Variants in MACROD2 observed in about 807,000 individuals in gnomAD.
The protein encoded by MACROD2 is ADP-ribose glycohydrolase MACROD2.
Under a neutral mutation model 70.4 loss-of-function variants are expected in MACROD2, and 36 were observed. The observed-to-expected ratio is 0.51, with a 90% CI of 0.39 to 0.68. The LOEUF (loss-of-function observed/expected upper bound fraction) is 0.68, where lower values mean the gene tolerates loss of function less well. MACROD2 is among the 30% of genes least tolerant of loss of function. The pLI, the probability that MACROD2 is intolerant of heterozygous loss-of-function variation, is 0.00. For synonymous variants in MACROD2, 172 were observed against 178.8 expected, an observed-to-expected ratio of 0.96 and a Z score of 0.30; for missense variants, 496 against 538.4, an observed-to-expected ratio of 0.92 and a Z score of 0.78.
chr20:14,350,157 C>G (rs1183494036), intron 3 of MACROD2, among the ~76,000 whole-genome samples: 2 of 152,070 alleles, frequency 1.3e-5, no homozygotes, highest in Non-Finnish European at 2.9e-5. Flanking sequence ...GCTTCCAAAT[C>G]TTGGTTGTTG....
intron 4 of MACROD2, among the ~76,000 whole-genome samples, chr20:14,589,771 C>A (rs550120191): frequency 6.6e-5 from 10 of 152,240 alleles, no homozygotes; most frequent in Non-Finnish European, 1.2e-4. Context: ...ATTTTAAATT[C>A]AGAGAGAAAA....
intron 3 of MACROD2, among the ~76,000 whole-genome samples, chr20:14,225,679 A>T (rs1378921807): frequency 6.6e-6 from 1 of 152,188 alleles, no homozygotes; most frequent in Non-Finnish European, 1.5e-5. Flanking sequence ...ATTATAACTG[A>T]CCAATCTATA....
At chr20:14,467,068 C>T (rs1206300098) in intron 3 of MACROD2, among the ~76,000 whole-genome samples, 2 of 152,284 alleles carry the variant, frequency 1.3e-5, no homozygotes, top group East Asian at 3.9e-4. Context: ...AGCTGTCAGA[C>T]AGGGACATTT....
At chr20:15,249,557 C>T (rs2077136325) in intron 6 of MACROD2, among the ~76,000 whole-genome samples, 1 of 152,180 alleles carries the variant, frequency 6.6e-6, no homozygotes, top group South Asian at 2.1e-4. Flanking sequence ...CTCCAAGGCA[C>T]CCAAGGCTCC....
At chr20:14,168,382 CT>C (rs1419102834) in intron 3 of MACROD2, among the ~76,000 whole-genome samples, 3 of 151,872 alleles carry the variant, frequency 2.0e-5, no homozygotes, top group Non-Finnish European at 4.4e-5. Context: ...AAAATCAAGA[CT>C]TTTTTTTAGA....
intron 8 of MACROD2, among the ~76,000 whole-genome samples, chr20:15,838,923 G>T (rs972827711): frequency 1.3e-5 from 2 of 152,060 alleles, no homozygotes; most frequent in African/African-American, 2.4e-5. Flanking sequence ...AGCCCAGACA[G>T]TTTGGAGGAC....
At chr20:14,299,754 T>G (rs1397624068) in intron 3 of MACROD2, among the ~76,000 whole-genome samples, 1 of 152,092 alleles carries the variant, frequency 6.6e-6, no homozygotes, top group Non-Finnish European at 1.5e-5. Context: ...TACCTTTCAG[T>G]GTAGAAGGGA....
In MACROD2 at chr20:16,043,762, G is replaced by C. The variant is rs73898349; in HGVS notation, c.1232-809G>C. On this transcript the variant is annotated intron_variant, in intron 16 of 17. Transcript: ENST00000684519. ...GTCTGTTTTGAATTCGAAATTGAAA[G>C]TATGGCAAACCAAACAGGCCTGATA... is the stretch of plus-strand genomic sequence containing the variant. Among the ~76,000 whole-genome samples, 890 of 152,240 alleles carry C rather than the reference G, an allele frequency of 5.8e-3. 6 individuals carry two copies. Among genetic ancestry groups the C allele is most frequent in the African/African-American group, 0.021 (856 of 41,558 alleles).
At chr20:15,520,173 A>AT (rs900485759) in intron 8 of MACROD2, among the ~76,000 whole-genome samples, 2 of 152,162 alleles carry the variant, frequency 1.3e-5, no homozygotes, top group Non-Finnish European at 2.9e-5. Flanking sequence ...GAACTGATCT[A>AT]TTTTTTTCAG....
intron 3 of MACROD2, among the ~76,000 whole-genome samples, chr20:14,334,519 G>T (rs746230416): frequency 3.3e-5 from 5 of 152,046 alleles, no homozygotes; most frequent in Admixed American, 6.6e-5. Context: ...TTGCCCACTG[G>T]GGGGTGGTAC....
At chr20:14,262,625 G>A (rs1207541123) in intron 3 of MACROD2, among the ~76,000 whole-genome samples, 1 of 152,136 alleles carries the variant, frequency 6.6e-6, no homozygotes, top group Non-Finnish European at 1.5e-5. Context: ...GAAAGATGGA[G>A]GCAGAACTTT....
At chr20:15,217,269 G>A (rs534680327) in intron 5 of MACROD2, among the ~76,000 whole-genome samples, 8 of 152,194 alleles carry the variant, frequency 5.3e-5, no homozygotes, top group East Asian at 3.9e-4. Context: ...ATGCAACTAC[G>A]TAGAAGTACT....
intron 8 of MACROD2, among the ~76,000 whole-genome samples, chr20:15,596,828 G>A (rs913132362): frequency 2.0e-5 from 3 of 152,206 alleles, no homozygotes; most frequent in Non-Finnish European, 4.4e-5. Context: ...CCCCTGGAGA[G>A]TCCTAACACG....
intron 3 of MACROD2, among the ~76,000 whole-genome samples, chr20:14,239,609 A>G (rs912674886): frequency 1.3e-5 from 2 of 152,184 alleles, no homozygotes; most frequent in African/African-American, 2.4e-5. Flanking sequence ...AAAACAACCA[A>G]TGGAGAAAGG....
rs1568567495 is a variant in MACROD2, at chr20:15,088,449, ATAATATTT to A, written c.419-141489_419-141482del. Among the ~76,000 whole-genome samples the A allele has an allele frequency of 2.6e-3, 204 of 78,630 alleles. 3 individuals are homozygous for A. Among genetic ancestry groups the A allele is most frequent in the African/African-American group, 0.011 (196 of 18,210 alleles). The allele number at this position is 78,630 out of a possible 152,430, so 51.6% of individuals were successfully genotyped here. A position where few individuals can be genotyped will look rare whatever the true frequency, so the allele number is the denominator to read the frequency against. ...TATATATATATATATATATATATAT[ATAATATTT>A]TGTGTGTGTGTGTGTGTTGCTTTAA... On this transcript the variant is annotated intron_variant, in intron 5 of 17. Transcript: ENST00000684519.
chr20:14,467,344 G>T (rs954273870), intron 3 of MACROD2, among the ~76,000 whole-genome samples: 11 of 152,294 alleles, frequency 7.2e-5, no homozygotes, highest in South Asian at 6.2e-4. Context: ...CCAGTTGCGG[G>T]ATATAATCTC....
At chr20:15,546,968 C>T (rs190539036) in intron 8 of MACROD2, among the ~76,000 whole-genome samples, 81 of 152,250 alleles carry the variant, frequency 5.3e-4, no homozygotes, top group Admixed American at 5.3e-3. Flanking sequence ...CTATTACTTC[C>T]CATCTCCTTT....
intron 4 of MACROD2, among the ~76,000 whole-genome samples, chr20:14,634,102 C>T (rs139212765): frequency 5.8e-4 from 89 of 152,292 alleles, no homozygotes; most frequent in East Asian, 4.1e-3. Context: ...TCCCACAACC[C>T]GCCACACCCC....
At chr20:14,110,780 G>A (rs1409275734) in intron 3 of MACROD2, among the ~76,000 whole-genome samples, 1 of 151,950 alleles carries the variant, frequency 6.6e-6, no homozygotes, top group African/African-American at 2.4e-5. Context: ...AATCAATAAT[G>A]TTAAAATATT....
Sources: gnomAD v4.1 joint callset for allele counts (sites outside exome capture counted in the v4.1 genomes callset) on GRCh38, gnomAD v4.1.1 for gene constraint, MANE v1.5 for transcripts, NCBI Gene and HGNC (gene_info 2026-07-23, HGNC 2026-07-21) for gene names.